FUT8: variants seen among roughly 807,000 people sequenced by gnomAD.
FUT8 encodes the protein alpha-(1,6)-fucosyltransferase.
Under a neutral mutation model 71.3 loss-of-function variants are expected in FUT8, and 29 were observed. That is an observed-to-expected ratio of 0.41 (90% CI 0.30 to 0.55). FUT8 has a LOEUF of 0.55. Among genes scored for constraint, FUT8 ranks in the 20% least tolerant of loss-of-function variants. The pLI is 0.34. For synonymous variants in FUT8, 254 were observed against 239.3 expected, an observed-to-expected ratio of 1.06 and a Z score of -0.57; for missense variants, 544 against 702.1, an observed-to-expected ratio of 0.77 and a Z score of 2.55.
At chr14:65,507,249 A>G (rs2066749986) in intron 2 of FUT8, among the ~76,000 whole-genome samples, 2 of 152,202 alleles carry the variant, frequency 1.3e-5, no homozygotes, top group Admixed American at 1.3e-4. Context: ...GTTGCCTTCA[A>G]CCATGTCTAT....
intron 2 of FUT8, among the ~76,000 whole-genome samples, chr14:65,460,402 C>G (rs2065953732): frequency 6.6e-6 from 1 of 152,196 alleles, no homozygotes; most frequent in Non-Finnish European, 1.5e-5. Flanking sequence ...TTGCTTGTAG[C>G]TCCTTTTAAA....
chr14:65,480,699 T>A (rs181792729), intron 2 of FUT8, among the ~76,000 whole-genome samples: 12 of 148,686 alleles, frequency 8.1e-5, no homozygotes, highest in African/African-American at 2.5e-4. Flanking sequence ...GTAATTCTAT[T>A]TTTTTTTTTT....
At chr14:65,398,429 T>G in the FUT8 span, among the ~76,000 whole-genome samples, 99 of 152,126 alleles carry the variant, frequency 6.5e-4, no homozygotes, top group Non-Finnish European at 1.2e-3. Flanking sequence ...GCCAACACTC[T>G]GCCTATTAAA....
upstream of FUT8, among the ~76,000 whole-genome samples, chr14:65,406,472 CTG>C (rs2065089327): frequency 6.6e-6 from 1 of 152,212 alleles, no homozygotes; most frequent in Non-Finnish European, 1.5e-5. Context: ...ATGCTCAACT[CTG>C]TCTCCCTGTG....
intron 7 of FUT8, among the ~76,000 whole-genome samples, chr14:65,693,445 G>C (rs28434531): frequency 2.0e-5 from 3 of 152,206 alleles, no homozygotes; most frequent in Admixed American, 6.5e-5. Context: ...GCAGTGAGCC[G>C]AGACGGCGAG....
rs1471216964 is a variant in FUT8 at position 65,638,039 on chromosome 14, T to G, written c.597+8433T>G. 6.6e-6 allele frequency among the ~76,000 whole-genome samples: 1 copy of G among 152,160 alleles called. No individual in the cohort carries two copies. Among genetic ancestry groups the G allele is most frequent in the African/African-American group, 2.4e-5 (1 of 41,436 alleles). Reference sequence around the variant, plus strand: ...CTTGGTCAAGTTAACAACATTTAGGTTGATTTATTGCACCTGCGCCTAAGT... The same window carrying G: ...CTTGGTCAAGTTAACAACATTTAGGGTGATTTATTGCACCTGCGCCTAAGT... On this transcript the variant is annotated intron_variant, in intron 6 of 10. Coordinates refer to ENST00000673929, the MANE Select transcript of FUT8 (RefSeq NM_001371533.1). This position sits in a 1 kb window ranked among gnomAD's most constrained non-coding sequence, Gnocchi z 4.5.
At chr14:65,670,899 T>A (rs1348212937) in intron 7 of FUT8, among the ~76,000 whole-genome samples, 1 of 152,216 alleles carries the variant, frequency 6.6e-6, no homozygotes, top group Non-Finnish European at 1.5e-5. Flanking sequence ...CCCGATTTTT[T>A]ATTTTTAACT....
intron 3 of FUT8, among the ~76,000 whole-genome samples, chr14:65,610,164 A>ATTCCAATT (rs1888807482): frequency 6.6e-6 from 1 of 151,906 alleles, no homozygotes; most frequent in South Asian, 2.1e-4. Context: ...TGCTTCTTTC[A>ATTCCAATT]TTCCAATTTG....
chr14:65,431,848 T>C (rs772617428), intron 1 of FUT8, among the ~76,000 whole-genome samples: 9 of 152,108 alleles, frequency 5.9e-5, no homozygotes, highest in Non-Finnish European at 1.3e-4. Flanking sequence ...GGATCATTAA[T>C]TAACTCTTTT....
At chr14:65,560,546 T>G (rs1224495728) in intron 2 of FUT8, among the ~76,000 whole-genome samples, 4 of 152,308 alleles carry the variant, frequency 2.6e-5, no homozygotes, top group East Asian at 3.9e-4. Context: ...TAGTTTTGTT[T>G]CCAAGGGAAT....
chr14:65,732,900 T>C (rs1359652204), intron 9 of FUT8, among the ~76,000 whole-genome samples: 1 of 152,174 alleles, frequency 6.6e-6, no homozygotes. Flanking sequence ...TGACCAAATA[T>C]GAAAGCAGTT....
rs2066165124 is a variant in FUT8, at chr14:65,472,611, A to G, written c.-228+16893A>G. Among the ~76,000 whole-genome samples the G allele has an allele frequency of 6.6e-6, 1 of 151,694 alleles. No homozygotes were observed. The highest frequency in any genetic ancestry group is 1.5e-5 in the Non-Finnish European group (1 of 67,980). On this transcript the variant is annotated intron_variant, in intron 2 of 10. Transcript: ENST00000673929. This position sits in a 1 kb window ranked among gnomAD's most constrained non-coding sequence, Gnocchi z 4.4. ...TTATAGCCTTTTTGGGTGTAGGGTC[A>G]TGTCAGGCTTTACTAATTGCACTTC...
the FUT8 span, among the ~76,000 whole-genome samples, chr14:65,400,428 A>G: frequency 4.6e-5 from 7 of 152,206 alleles, no homozygotes; most frequent in Non-Finnish European, 8.8e-5. Context: ...GTGTCCATCA[A>G]ATATCCATAT....
intron 2 of FUT8, among the ~76,000 whole-genome samples, chr14:65,495,252 A>G (rs1049730878): frequency 6.6e-6 from 1 of 151,474 alleles, no homozygotes; most frequent in African/African-American, 2.4e-5. Context: ...TTTTCTAACT[A>G]TGAAAGTTAA....
chr14:65,505,351 C>CA lies in FUT8; in HGVS notation c.-228+49634dup, dbSNP rs554500875. 1.7e-3 allele frequency among the ~76,000 whole-genome samples: 209 copies of CA among 120,242 alleles called. 13 individuals carry two copies. The South Asian group carries it at 0.055, about 32-fold the overall frequency. 78.9% of individuals were successfully genotyped at this position (120,242 alleles called of 152,430 possible). On this transcript the variant is annotated intron_variant, in intron 2 of 10. Coordinates refer to ENST00000673929, the MANE Select transcript of FUT8 (RefSeq NM_001371533.1). ...TTTTTGAGACAGAGTCTCGCTCTGT[C>CA]ACCCAGGCTGGAGTGCAGTGGTGCA...
chr14:65,447,311 A>C (rs1566753110), intron 1 of FUT8, among the ~76,000 whole-genome samples: 2 of 150,978 alleles, frequency 1.3e-5, no homozygotes. Context: ...AAAAAAACCC[A>C]AAAGAAAGTA....
At chr14:65,598,775 C>T (rs1399635172) in intron 3 of FUT8, among the ~76,000 whole-genome samples, 1 of 152,030 alleles carries the variant, frequency 6.6e-6, no homozygotes, top group Admixed American at 6.6e-5. Flanking sequence ...TTTACAAATA[C>T]TTTGATGGTT....
At chr14:65,724,454 C>G in intron 9 of FUT8, 131 bp downstream of exon 9, 1 of 600,606 alleles carries the variant, frequency 1.7e-6, no homozygotes, top group Admixed American at 3.5e-5. Flanking sequence ...ATTCAATGGA[C>G]TATGTACTTG....
intron 2 of FUT8, among the ~76,000 whole-genome samples, chr14:65,515,984 T>G (rs1410389634): frequency 6.6e-6 from 1 of 152,164 alleles, no homozygotes; most frequent in Non-Finnish European, 1.5e-5. Context: ...TTTAGCATAT[T>G]GTTTGCTAAT....
Sources: allele counts gnomAD v4.1 joint callset (sites outside exome capture counted in the v4.1 genomes callset), GRCh38; gene constraint gnomAD v4.1.1; non-coding constraint Gnocchi (gnomAD v3.1); transcripts MANE v1.5; gene names NCBI Gene and HGNC (gene_info 2026-07-23, HGNC 2026-07-21).